The following INPP4B variants were observed in gnomAD, a reference collection of about 807,000 sequenced individuals.
INPP4B encodes inositol polyphosphate-4-phosphatase type II B, also known as inositol polyphosphate 4-phosphatase type II.
Under a neutral mutation model 122.5 loss-of-function variants are expected in INPP4B, and 55 were observed. The observed-to-expected ratio is 0.45, with a 90% CI of 0.36 to 0.56. INPP4B has a LOEUF of 0.56. Ranked by LOEUF, INPP4B falls within the 20% of genes least tolerant of loss-of-function variation. The pLI, the probability that INPP4B is intolerant of heterozygous loss-of-function variation, is 0.00. For missense variants in INPP4B, 1,000 were observed against 1,097.7 expected, an observed-to-expected ratio of 0.91 and a Z score of 1.26; for synonymous variants, 403 against 388.7, an observed-to-expected ratio of 1.04 and a Z score of -0.43.
chr4:142,384,007 C>T (rs1795091952), intron 7 of INPP4B: 2 of 689,098 alleles, frequency 2.9e-6, no homozygotes, highest in Non-Finnish European at 5.3e-6. Flanking sequence ...TGCACTTGGC[C>T]AACCATCCTG....
chr4:142,293,040 C>CTTTT (rs367850143), intron 9 of INPP4B, among the ~76,000 whole-genome samples: 4 of 145,926 alleles, frequency 2.7e-5, no homozygotes, highest in Non-Finnish European at 4.5e-5. Context: ...TTTTTATACC[C>CTTTT]TTTTTTTTTT....
At chr4:142,343,922 TA>T (rs1200949143) in intron 7 of INPP4B, among the ~76,000 whole-genome samples, 2 of 151,928 alleles carry the variant, frequency 1.3e-5, no homozygotes, top group African/African-American at 4.8e-5. Flanking sequence ...AACACAAAAT[TA>T]GCACAAATAT....
chr4:142,264,969 T>TCTCTCTCTCC (rs149403044), intron 10 of INPP4B, among the ~76,000 whole-genome samples: 40 of 151,590 alleles, frequency 2.6e-4, no homozygotes, highest in East Asian at 3.9e-4. Flanking sequence ...TCTTTCTCTC[T>TCTCTCTCTCC]CTCTCTCTCC....
At chr4:142,647,586 C>A (rs1387126183) in intron 2 of INPP4B, among the ~76,000 whole-genome samples, 1 of 152,118 alleles carries the variant, frequency 6.6e-6, no homozygotes, top group Non-Finnish European at 1.5e-5. Flanking sequence ...TTCTTTCTTC[C>A]CTGCTTGCTG....
At chr4:142,538,598 A>G (rs151272249) in intron 2 of INPP4B, among the ~76,000 whole-genome samples, 1 of 152,212 alleles carries the variant, frequency 6.6e-6, no homozygotes, top group East Asian at 1.9e-4. Flanking sequence ...TGAAGAAAAT[A>G]TAACTCATGC....
Position 142,024,619 on chromosome 4 carries a change from T to G in INPP4B, c.*4163A>C, listed in dbSNP as rs2080289593. 6.6e-6 allele frequency: 1 copy of G among 152,126 alleles called. No individual in the cohort carries two copies. Among genetic ancestry groups the G allele is most frequent in the Admixed American group, 6.6e-5 (1 of 15,252 alleles). The allele number at this position is 152,126 out of a possible 1,614,324, so 9.4% of individuals were successfully genotyped here. Reference sequence around the variant, plus strand: ...TTGGAAATCAAACACCTAAAACATCTGTGGTGATTTAGCATAGTGCCAGAG... The same window carrying G: ...TTGGAAATCAAACACCTAAAACATCGGTGGTGATTTAGCATAGTGCCAGAG... On this transcript the variant is annotated 3_prime_UTR_variant, in exon 26 of 26. Coordinates refer to ENST00000262992, the MANE Select transcript of INPP4B (RefSeq NM_001101669.3).
At chr4:142,724,368 T>C (rs550857229) in intron 2 of INPP4B, among the ~76,000 whole-genome samples, 2 of 152,208 alleles carry the variant, frequency 1.3e-5, no homozygotes, top group South Asian at 4.2e-4. Flanking sequence ...TCCCTGACCT[T>C]CCTCATTGGC....
intron 1 of INPP4B, among the ~76,000 whole-genome samples, chr4:142,836,586 TAAC>T (rs914316354): frequency 1.3e-5 from 2 of 151,588 alleles, no homozygotes; most frequent in Non-Finnish European, 2.9e-5. Context: ...TCACATCATA[TAAC>T]AACAACAAAA....
intron 3 of INPP4B, among the ~76,000 whole-genome samples, chr4:142,440,936 T>C (rs1157366906): frequency 1.3e-5 from 2 of 152,224 alleles, no homozygotes; most frequent in Non-Finnish European, 2.9e-5. Flanking sequence ...TTAAGCACTG[T>C]CCTCATGTTG....
At chr4:142,674,470 G>T (rs189697508) in intron 2 of INPP4B, among the ~76,000 whole-genome samples, 1 of 151,998 alleles carries the variant, frequency 6.6e-6, no homozygotes, top group Non-Finnish European at 1.5e-5. Context: ...AAAAATATAT[G>T]CCATTTATTA....
At chr4:142,489,964 G>A (rs1821674000) in intron 2 of INPP4B, among the ~76,000 whole-genome samples, 1 of 151,972 alleles carries the variant, frequency 6.6e-6, no homozygotes, top group Non-Finnish European at 1.5e-5. Context: ...TGCATGTTAT[G>A]TATTTTCCCA....
intron 2 of INPP4B, among the ~76,000 whole-genome samples, chr4:142,564,451 A>AAAGAAAGAAAGAAAGAAAGAAAGAAAG (rs1553960083): frequency 1.5e-5 from 2 of 131,686 alleles, no homozygotes; most frequent in African/African-American, 5.7e-5. Flanking sequence ...AAAAAAAAAA[A>AAAGAAAGAAAGAAAGAAAGAAAGAAAG]AAAGAAAGAA....
intron 7 of INPP4B, among the ~76,000 whole-genome samples, chr4:142,321,824 GT>G (rs148283238): frequency 0.093 from 14,172 of 152,100 alleles, 725 homozygotes; most frequent in Non-Finnish European, 0.13. Context: ...GTACCATGCT[GT>G]TTTGGTGGTC....
chr4:142,597,616 A>C (rs1739001552), intron 2 of INPP4B, among the ~76,000 whole-genome samples: 1 of 152,206 alleles, frequency 6.6e-6, no homozygotes. Context: ...GACATGCTGC[A>C]TATAAATCCA....
chr4:142,802,539 GATAAATA>G (rs1253124486), intron 1 of INPP4B, among the ~76,000 whole-genome samples: 1 of 152,090 alleles, frequency 6.6e-6, no homozygotes, highest in Non-Finnish European at 1.5e-5. Flanking sequence ...TTATAGGAAA[GATAAATA>G]ATCCCTCACT....
intron 11 of INPP4B, among the ~76,000 whole-genome samples, chr4:142,241,194 C>A (rs1043914671): frequency 2.0e-5 from 3 of 151,828 alleles, no homozygotes; most frequent in Non-Finnish European, 2.9e-5. Context: ...ATTATAAGTT[C>A]TTTTTAAAGA....
At position 142,681,687 on chromosome 4, in the gene INPP4B, T is replaced by C. The variant is rs77489362; in HGVS notation, c.-191+44152A>G. On this transcript the variant is annotated intron_variant, in intron 2 of 25. Coordinates refer to ENST00000262992, the MANE Select transcript of INPP4B (RefSeq NM_001101669.3). ...TGGATGCCTGCAAACGCCAAAGAAA[T>C]GAAGGTTGCTAGCGATGAAAGAGAA... 9.2e-4 allele frequency among the ~76,000 whole-genome samples: 140 copies of C among 151,622 alleles called. 4 individuals are homozygous for C. The East Asian group carries it at 0.025, about 27-fold the overall frequency.
chr4:142,564,970 C>T (rs1284270210), intron 2 of INPP4B, among the ~76,000 whole-genome samples: 1 of 152,076 alleles, frequency 6.6e-6, no homozygotes, highest in Non-Finnish European at 1.5e-5. Context: ...CCAATTGTTC[C>T]ACCAATGCTC....
chr4:142,427,468 T>C, intron 5 of INPP4B: 1 of 684,270 alleles, frequency 1.5e-6, no homozygotes, highest in South Asian at 1.6e-5. Context: ...TCTTAATTCT[T>C]GATTCAAATC....
Sources: allele counts gnomAD v4.1 joint callset (sites outside exome capture counted in the v4.1 genomes callset), GRCh38; gene constraint gnomAD v4.1.1; transcripts MANE v1.5; gene names NCBI Gene and HGNC (gene_info 2026-07-23, HGNC 2026-07-21).